The following ANO2 variants were observed in gnomAD, a reference collection of about 807,000 sequenced individuals.
ANO2 encodes anoctamin-2.
A neutral mutation model predicts 124.2 loss-of-function variants in ANO2; 101 were observed. The ratio of observed to expected loss-of-function variants is 0.81; its 90% CI spans 0.69 to 0.96. The LOEUF is 0.96. Ranked by LOEUF, ANO2 falls within the 40% of genes least tolerant of loss-of-function variation. ANO2 has a pLI of 0.00. For missense variants in ANO2, 1,293 were observed against 1,274.5 expected (o/e 1.01, Z -0.22); for synonymous variants, 486 against 482.5 (o/e 1.01, Z -0.09).
intron 7 of ANO2, among the ~76,000 whole-genome samples, chr12:5,810,794 G>A (rs1953362114): frequency 6.6e-6 from 1 of 152,174 alleles, no homozygotes; most frequent in Admixed American, 6.5e-5. Context: ...CAAAGGAAAA[G>A]ACTCATGTTT....
intron 20 of ANO2, among the ~76,000 whole-genome samples, chr12:5,595,263 C>T (rs1054357303): frequency 6.6e-6 from 1 of 152,098 alleles, no homozygotes; most frequent in Non-Finnish European, 1.5e-5. Context: ...TGCAGTGGCA[C>T]AATCATAGCT....
chr12:5,854,802 GA>G (rs1435016199), intron 3 of ANO2, among the ~76,000 whole-genome samples: 3 of 152,160 alleles, frequency 2.0e-5, no homozygotes, highest in Admixed American at 1.3e-4. Flanking sequence ...AATAAGGACA[GA>G]AAATGCAGTG....
At chr12:5,737,075 G>A (rs867384179) in intron 13 of ANO2, among the ~76,000 whole-genome samples, 3 of 152,278 alleles carry the variant, frequency 2.0e-5, no homozygotes, top group African/African-American at 7.2e-5. Flanking sequence ...CAAAAACCTA[G>A]TATGTAATAG....
intron 23 of ANO2, among the ~76,000 whole-genome samples, chr12:5,570,981 G>A (rs1281356349): frequency 2.0e-5 from 3 of 152,120 alleles, no homozygotes; most frequent in Non-Finnish European, 2.9e-5. Flanking sequence ...CTCTGGTTTC[G>A]GTGGGAAGCA....
chr12:5,675,400 A>C (rs1948192714), intron 14 of ANO2, among the ~76,000 whole-genome samples: 1 of 152,162 alleles, frequency 6.6e-6, no homozygotes, highest in Admixed American at 6.5e-5. Context: ...CTTCTGAGCC[A>C]CTGGACTTCT....
intron 10 of ANO2, among the ~76,000 whole-genome samples, chr12:5,798,815 G>A (rs533361823): frequency 5.3e-5 from 8 of 152,372 alleles, no homozygotes; most frequent in Admixed American, 2.6e-4. Flanking sequence ...GCCCAGTGCT[G>A]TCACACAGTG....
intron 12 of ANO2, chr12:5,741,231 C>T (rs1951084108): frequency 6.6e-6 from 1 of 152,240 alleles, no homozygotes; most frequent in Non-Finnish European, 1.5e-5. Flanking sequence ...CTATGTCTAC[C>T]TCGGTCACAG....
chr12:5,565,456 A>G, intron 24 of ANO2, 102 bp downstream of exon 24: 4 of 1,027,188 alleles, frequency 3.9e-6, no homozygotes, highest in Non-Finnish European at 4.3e-6. Flanking sequence ...CTTATGTCAC[A>G]GAGTACCACC....
intron 10 of ANO2, among the ~76,000 whole-genome samples, chr12:5,798,889 T>G (rs1292582601): frequency 6.6e-6 from 1 of 152,208 alleles, no homozygotes; most frequent in Admixed American, 6.5e-5. Flanking sequence ...TTTAAACTAG[T>G]CAGACCTATG....
chr12:5,791,472 A>C (rs1235603994), intron 10 of ANO2, among the ~76,000 whole-genome samples: 2 of 152,230 alleles, frequency 1.3e-5, no homozygotes, highest in African/African-American at 4.8e-5. Flanking sequence ...AGCCCGTACC[A>C]GAAGACCACA....
chr12:5,621,600 T>C (rs1186699514), intron 16 of ANO2, among the ~76,000 whole-genome samples: 1 of 152,104 alleles, frequency 6.6e-6, no homozygotes, highest in Non-Finnish European at 1.5e-5. Flanking sequence ...TTTCATTAAG[T>C]GCTGCTGTGA....
At chr12:5,880,345 G>A (rs1316862668) in intron 3 of ANO2, among the ~76,000 whole-genome samples, 1 of 151,608 alleles carries the variant, frequency 6.6e-6, no homozygotes, top group African/African-American at 2.4e-5. Flanking sequence ...GAGAGTCATC[G>A]TAGGTAGTTA....
intron 4 of ANO2, among the ~76,000 whole-genome samples, chr12:5,838,461 G>C (rs536008605): frequency 6.6e-6 from 1 of 152,252 alleles, no homozygotes; most frequent in African/African-American, 2.4e-5. Flanking sequence ...TCGGGGGATG[G>C]AGCAGGTTCA....
intron 14 of ANO2, among the ~76,000 whole-genome samples, chr12:5,720,701 T>A (rs1003395258): frequency 6.6e-6 from 1 of 152,194 alleles, no homozygotes; most frequent in Admixed American, 6.5e-5. Flanking sequence ...CTGCCCAGCC[T>A]TAGCTCCGAG....
At chr12:5,880,281 CAG>C (rs748060527) in intron 3 of ANO2, among the ~76,000 whole-genome samples, 4 of 152,040 alleles carry the variant, frequency 2.6e-5, no homozygotes, top group Non-Finnish European at 4.4e-5. Context: ...GTTCAGGAGA[CAG>C]ACATAAGAGC....
At chr12:5,640,452 T>C (rs546659709) in intron 15 of ANO2, among the ~76,000 whole-genome samples, 3 of 152,220 alleles carry the variant, frequency 2.0e-5, no homozygotes, top group Non-Finnish European at 4.4e-5. Context: ...ACCTACAGAA[T>C]GGGAGGAAAT....
chr12:5,815,526 T>C (rs1417595187), intron 7 of ANO2, among the ~76,000 whole-genome samples: 1 of 152,152 alleles, frequency 6.6e-6, no homozygotes. Flanking sequence ...AGACATGTTC[T>C]ACATAAGCAA....
rs147491602 is a variant in ANO2, at chr12:5,813,232, G to C, written c.893-5864C>G. Among the ~76,000 whole-genome samples, 720 of 152,240 alleles carry C rather than the reference G, an allele frequency of 4.7e-3. 8 individuals carry two copies. The highest frequency in any genetic ancestry group is 0.016 in the African/African-American group (681 of 41,530). Reference sequence around the variant, plus strand: ...TCACAGATAGACTTGGTTATCTTTGGGGGGTCAGAACCCCAGTGGTCAAAT... The same window carrying C: ...TCACAGATAGACTTGGTTATCTTTGCGGGGTCAGAACCCCAGTGGTCAAAT... On this transcript the variant is annotated intron_variant, in intron 7 of 24. Coordinates refer to ENST00000682330, the MANE Select transcript of ANO2 (RefSeq NM_001364791.2).
intron 14 of ANO2, among the ~76,000 whole-genome samples, chr12:5,680,521 G>A (rs576749422): frequency 3.3e-5 from 5 of 152,274 alleles, no homozygotes; most frequent in Admixed American, 1.3e-4. Flanking sequence ...TCTGAAGAAC[G>A]GCCGTGTGGA....
Sources: allele counts gnomAD v4.1 joint callset (sites outside exome capture counted in the v4.1 genomes callset), GRCh38; gene constraint gnomAD v4.1.1; transcripts MANE v1.5; gene names NCBI Gene and HGNC (gene_info 2026-07-23, HGNC 2026-07-21).